ST18: variants seen among roughly 807,000 people sequenced by gnomAD.
ST18 encodes suppression of tumorigenicity 18 protein.
Under a neutral mutation model 110.0 loss-of-function variants are expected in ST18, and 50 were observed. The observed-to-expected ratio is 0.45, with a 90% CI of 0.36 to 0.58. The LOEUF is 0.58. Among genes scored for constraint, ST18 ranks in the 20% least tolerant of loss-of-function variants. The pLI is 0.00. For synonymous variants in ST18, 461 were observed against 452.4 expected, an observed-to-expected ratio of 1.02 and a Z score of -0.24; for missense variants, 1,306 against 1,280.1, an observed-to-expected ratio of 1.02 and a Z score of -0.31.
intron 23 of ST18, among the ~76,000 whole-genome samples, chr8:52,120,607 G>A (rs1311415146): frequency 6.6e-6 from 1 of 152,204 alleles, no homozygotes; most frequent in East Asian, 1.9e-4. Flanking sequence ...CCCATGGACA[G>A]CAAGAAAGTG....
At chr8:52,157,698 T>C (rs1178232722) in intron 15 of ST18, among the ~76,000 whole-genome samples, 1 of 152,258 alleles carries the variant, frequency 6.6e-6, no homozygotes, top group African/African-American at 2.4e-5. Flanking sequence ...AAATTGTTTT[T>C]GAGTGGTTTT....
In ST18 at chr8:52,131,841, C is replaced by A. The variant is rs1021502787; in HGVS notation, c.2666+117G>T. ...TATACAGCAAGACTTCATGTTATGA[C>A]ATCTCAACTGCTACAGTGAACAACC... On this transcript the variant is annotated intron_variant, in intron 22 of 25. Coordinates refer to ENST00000689386, the MANE Select transcript of ST18 (RefSeq NM_001352837.2). The A allele has an allele frequency of 4.6e-5, 37 of 803,796 alleles. No homozygotes were observed. The Middle Eastern group carries it at 8.0e-4, about 17-fold the overall frequency. The allele number at this position is 803,796 out of a possible 1,614,324, so 49.8% of individuals were successfully genotyped here. A position where few individuals can be genotyped will look rare whatever the true frequency, so the allele number is the denominator to read the frequency against.
At chr8:52,145,030 C>T (rs1256448891) in intron 16 of ST18, among the ~76,000 whole-genome samples, 1 of 150,612 alleles carries the variant, frequency 6.6e-6, no homozygotes, top group African/African-American at 2.4e-5. Flanking sequence ...TGTGGAACAG[C>T]CTTTGTTTTT....
chr8:52,396,595 A>C (rs1841213395), intron 2 of ST18, among the ~76,000 whole-genome samples: 1 of 152,184 alleles, frequency 6.6e-6, no homozygotes, highest in Admixed American at 6.5e-5. Flanking sequence ...GGAAATTTGC[A>C]ATCATGGCAG....
chr8:52,357,671 CTATAAATATATATATATA>C (rs1422736837), intron 2 of ST18, among the ~76,000 whole-genome samples: 2 of 60,018 alleles, frequency 3.3e-5, no homozygotes, highest in African/African-American at 1.0e-4. Context: ...TCCCCAAAAT[CTATAAATATATATATATA>C]TATATATATA....
At chr8:52,259,599 C>T (rs9643797) in intron 2 of ST18, among the ~76,000 whole-genome samples, 46,462 of 151,956 alleles carry the variant, frequency 0.31, 7,332 homozygotes, top group Middle Eastern at 0.45. Flanking sequence ...ATGATGATAA[C>T]GATTATATTA....
At chr8:52,279,698 G>T (rs919456808) in intron 2 of ST18, among the ~76,000 whole-genome samples, 4 of 152,186 alleles carry the variant, frequency 2.6e-5, no homozygotes, top group Non-Finnish European at 5.9e-5. Context: ...CAACAAAAAA[G>T]AAGCCAGATG....
At chr8:52,354,643 C>G (rs1343358893) in intron 2 of ST18, among the ~76,000 whole-genome samples, 1 of 152,040 alleles carries the variant, frequency 6.6e-6, no homozygotes, top group African/African-American at 2.4e-5. Flanking sequence ...AGCCCTGGAG[C>G]CCTCCAATGT....
At chr8:52,295,842 G>A (rs552853997) in intron 2 of ST18, among the ~76,000 whole-genome samples, 1 of 150,544 alleles carries the variant, frequency 6.6e-6, no homozygotes, top group African/African-American at 2.4e-5. Flanking sequence ...CGCTCAATCT[G>A]CCTTCTTATT....
At chr8:52,153,887 A>G (rs534693056) in intron 15 of ST18, among the ~76,000 whole-genome samples, 1 of 152,376 alleles carries the variant, frequency 6.6e-6, no homozygotes, top group Admixed American at 6.5e-5. Context: ...AGGGATTAAA[A>G]GGGATTAATG....
At chr8:52,189,324 G>A (rs2073638977) in intron 8 of ST18, among the ~76,000 whole-genome samples, 2 of 152,158 alleles carry the variant, frequency 1.3e-5, no homozygotes, top group Admixed American at 1.3e-4. Context: ...GAAAGTTGAT[G>A]GCAAGCCAAC....
intron 17 of ST18, among the ~76,000 whole-genome samples, chr8:52,139,035 G>T (rs1416338837): frequency 6.6e-6 from 1 of 151,968 alleles, no homozygotes; most frequent in South Asian, 2.1e-4. Flanking sequence ...GATTTTCAGG[G>T]TCTGATCCAA....
At chr8:52,363,228 TCTC>T (rs915941868) in intron 2 of ST18, among the ~76,000 whole-genome samples, 1 of 151,798 alleles carries the variant, frequency 6.6e-6, no homozygotes, top group Non-Finnish European at 1.5e-5. Context: ...AAAAAAAAAA[TCTC>T]CTGCAGTGAC....
rs1462629396 is a variant in ST18 at position 52,303,801 on chromosome 8, G to GA, written c.-464-73725dup. Reference sequence around the variant, plus strand: ...GAATTATTCTAGATTGAAAGAGTATGAAAAAATAAGACACTAAATGCAGTG... The same window carrying GA: ...GAATTATTCTAGATTGAAAGAGTATGAAAAAAATAAGACACTAAATGCAGTG... On this transcript the variant is annotated intron_variant, in intron 2 of 25. Coordinates refer to ENST00000689386, the MANE Select transcript of ST18 (RefSeq NM_001352837.2). Among the ~76,000 whole-genome samples the GA allele has an allele frequency of 2.6e-5, 4 of 152,202 alleles. 1 individual carries two copies. The highest frequency in any genetic ancestry group is 2.6e-4 in the Admixed American group (4 of 15,288).
intron 11 of ST18, 78 bp downstream of exon 11, chr8:52,166,774 A>G (rs2063143084): frequency 7.2e-7 from 1 of 1,386,022 alleles, no homozygotes; most frequent in African/African-American, 1.5e-5. Flanking sequence ...CCTAATTCCA[A>G]ATTGGGAGAC....
chr8:52,346,369 A>C (rs1470259999), intron 2 of ST18, among the ~76,000 whole-genome samples: 1 of 152,014 alleles, frequency 6.6e-6, no homozygotes, highest in Admixed American at 6.5e-5. Context: ...AAAAGATGAG[A>C]CCAGTCCAAA....
At chr8:52,217,697 G>C (rs1004004093) in intron 6 of ST18, 49 bp downstream of exon 6, 6 of 152,140 alleles carry the variant, frequency 3.9e-5, no homozygotes, top group African/African-American at 7.2e-5. Context: ...TTGAACTCTT[G>C]GGTTGAATTT....
At chr8:52,281,024 C>T (rs1267072947) in intron 2 of ST18, among the ~76,000 whole-genome samples, 1 of 151,884 alleles carries the variant, frequency 6.6e-6, no homozygotes, top group Non-Finnish European at 1.5e-5. Flanking sequence ...AAATCAATAA[C>T]AAAGAGTAAG....
chr8:52,140,056 C>A (rs184690053), intron 17 of ST18, among the ~76,000 whole-genome samples: 166 of 152,280 alleles, frequency 1.1e-3, no homozygotes, highest in Non-Finnish European at 1.8e-3. Flanking sequence ...TTAGTGACAT[C>A]CAAAAAGTCC....
Sources: allele counts gnomAD v4.1 joint callset (sites outside exome capture counted in the v4.1 genomes callset), GRCh38; gene constraint gnomAD v4.1.1; transcripts MANE v1.5; gene names NCBI Gene and HGNC (gene_info 2026-07-23, HGNC 2026-07-21).